ACAD11: variants seen among roughly 807,000 people sequenced by gnomAD.
The protein encoded by ACAD11 is acyl-Coenzyme A dehydrogenase family, member 11.
Under a neutral mutation model 102.2 loss-of-function variants are expected in ACAD11, and 83 were observed. The observed-to-expected ratio is 0.81, with a 90% CI of 0.68 to 0.97. The LOEUF is 0.97. Ranked by LOEUF, ACAD11 falls within the 50% of genes least tolerant of loss-of-function variation. ACAD11 has a pLI of 0.00. For synonymous variants in ACAD11, 324 were observed against 319.8 expected, an observed-to-expected ratio of 1.01 and a Z score of -0.14; for missense variants, 901 against 951.7, an observed-to-expected ratio of 0.95 and a Z score of 0.70.
chr3:132,615,067 T>G (rs28800295), intron 11 of ACAD11, among the ~76,000 whole-genome samples: 7,230 of 152,016 alleles, frequency 0.048, 231 homozygotes, highest in East Asian at 0.12. Context: ...AACAAACATA[T>G]GAAAAAAAGC....
intron 16 of ACAD11, 59 bp downstream of exon 16, chr3:132,576,885 G>C: frequency 8.2e-7 from 1 of 1,222,924 alleles, no homozygotes; most frequent in Non-Finnish European, 1.2e-6. Context: ...ATCTTTTCCA[G>C]ATTTAGAGCT....
At chr3:132,623,641 TC>T (rs1277852567) in intron 9 of ACAD11, among the ~76,000 whole-genome samples, 1 of 152,216 alleles carries the variant, frequency 6.6e-6, no homozygotes, top group Non-Finnish European at 1.5e-5. Flanking sequence ...TTGGCAATCT[TC>T]CCTTTAAAGC....
intron 5 of ACAD11, among the ~76,000 whole-genome samples, chr3:132,631,681 G>A (rs1336764199): frequency 2.0e-5 from 3 of 152,088 alleles, no homozygotes; most frequent in Non-Finnish European, 4.4e-5. Context: ...TTCCATCGCT[G>A]GCCATCAGTC....
intron 17 of ACAD11, among the ~76,000 whole-genome samples, chr3:132,561,596 G>GT (rs1203979294): frequency 6.6e-6 from 1 of 152,204 alleles, no homozygotes; most frequent in African/African-American, 2.4e-5. Context: ...TAAATGTATG[G>GT]TAGTGAAGCT....
At chr3:132,619,813 A>C (rs1020598984) in intron 9 of ACAD11, among the ~76,000 whole-genome samples, 1 of 152,236 alleles carries the variant, frequency 6.6e-6, no homozygotes, top group African/African-American at 2.4e-5. Context: ...TAGTCATAGA[A>C]ACTGCTCAAC....
chr3:132,618,857 A>G (rs768963366), intron 10 of ACAD11, 85 bp from the exon 11 acceptor site: 45 of 1,297,308 alleles, frequency 3.5e-5, no homozygotes, highest in Admixed American at 9.6e-5. Flanking sequence ...ATTGGTATTT[A>G]TGATCTTTGA....
At position 132,618,742 on chromosome 3, in the gene ACAD11, A is replaced by G; in HGVS notation, c.1306T>C (p.Leu436=). 2 of 1,599,588 alleles carry G rather than the reference A, an allele frequency of 1.3e-6. No individual in the cohort carries two copies. Among genetic ancestry groups the G allele is most frequent in the Non-Finnish European group, 1.7e-6 (2 of 1,174,340 alleles). The change falls in exon 11 of 20, where the codon TTG becomes CTG. Residue 436 remains leucine, a synonymous_variant. Transcript: ENST00000264990. ...EMAKVEGLWN[L]FLPAVSGLSH... ...AGTCCGCTGACAGCTGGCAAAAACAAGTTCCAGAGACCCTCGACTTTGGCC... is the reference window on the plus strand; with the variant it reads ...AGTCCGCTGACAGCTGGCAAAAACAGGTTCCAGAGACCCTCGACTTTGGCC...
At chr3:132,589,796 A>G (rs752777967) in intron 13 of ACAD11, among the ~76,000 whole-genome samples, 3 of 152,200 alleles carry the variant, frequency 2.0e-5, no homozygotes, top group Non-Finnish European at 2.9e-5. Flanking sequence ...TTTGTTGCAC[A>G]GATTATTTCA....
chr3:132,653,524 C>A (rs2107904329), intron 1 of ACAD11, among the ~76,000 whole-genome samples: 1 of 152,288 alleles, frequency 6.6e-6, no homozygotes, highest in Middle Eastern at 3.4e-3. Context: ...ATTTTCTCTT[C>A]TAGATTACTG....
rs749031411 is a variant in ACAD11, at chr3:132,575,864, T to C, written c.1909A>G (p.Met637Val). ...RLGPGRIHHC[M>V]RTVGLAERAL... ...CGTTCCGCCAAACCTACTGTTCTCA[T>C]ACAGTGGTGGATTCTGCCAGGTCCA... Residue 637 changes from methionine (M) to valine (V), a missense_variant, in exon 17 of 20, where the codon ATG (methionine) becomes GTG (valine). By Grantham distance (21) the Met-to-Val change is conservative. Transcript: ENST00000264990. 1.2e-6 allele frequency: 2 copies of C among 1,614,082 alleles called. No homozygotes were observed. Among genetic ancestry groups the C allele is most frequent in the East Asian group, 2.2e-5 (1 of 44,872 alleles).
At chr3:132,611,979 A>G (rs1195107769) in intron 11 of ACAD11, among the ~76,000 whole-genome samples, 2 of 152,040 alleles carry the variant, frequency 1.3e-5, no homozygotes, top group South Asian at 2.1e-4. Flanking sequence ...AAACTACACT[A>G]CAAGGCTACA....
intron 19 of ACAD11, 78 bp from the exon 20 acceptor site, chr3:132,559,163 T>A (rs772055465): frequency 5.4e-5 from 53 of 988,508 alleles, no homozygotes; most frequent in Non-Finnish European, 8.5e-5. Context: ...TCACTCTGAT[T>A]GTCAACCAAG....
chr3:132,630,672 A>C (rs1189683470), intron 6 of ACAD11, 114 bp from the exon 7 acceptor site: 10 of 792,900 alleles, frequency 1.3e-5, no homozygotes, highest in Admixed American at 3.4e-5. Context: ...ATTAGCCCTT[A>C]CAACAAAACA....
At chr3:132,614,538 G>A (rs142455917) in intron 11 of ACAD11, among the ~76,000 whole-genome samples, 1 of 152,152 alleles carries the variant, frequency 6.6e-6, no homozygotes, top group African/African-American at 2.4e-5. Flanking sequence ...ACAACCATCT[G>A]ATCTTGGACA....
At chr3:132,566,874 T>C (rs1937230301) in intron 17 of ACAD11, among the ~76,000 whole-genome samples, 1 of 152,196 alleles carries the variant, frequency 6.6e-6, no homozygotes, top group South Asian at 2.1e-4. Flanking sequence ...TAAAATTCGT[T>C]TGCTTTCTTC....
chr3:132,659,423 G>A, intron 1 of ACAD11, 180 bp downstream of exon 1: 1 of 759,040 alleles, frequency 1.3e-6, no homozygotes. Flanking sequence ...CTCCAATTGG[G>A]AAGCCCCCAG....
chr3:132,589,994 T>C (rs1439372586), intron 13 of ACAD11, among the ~76,000 whole-genome samples: 1 of 152,238 alleles, frequency 6.6e-6, no homozygotes, highest in Non-Finnish European at 1.5e-5. Context: ...TTGCTAAGGA[T>C]AATAGCCTCC....
chr3:132,628,445 C>A lies in ACAD11; in HGVS notation c.965G>T (p.Gly322Val). 2.5e-6 allele frequency: 4 copies of A among 1,570,274 alleles called. No individual in the cohort carries two copies. The highest frequency in any genetic ancestry group is 2.3e-5 in the East Asian group (1 of 43,846). ...SYFKMAGIAQGVYSRYLLGNN... is the reference protein window; with the variant it reads ...SYFKMAGIAQVVYSRYLLGNN... The stretch of plus-strand genomic sequence containing the variant: ...TCCCAGAAGATATCTGCTATATACT[C>A]CCTATAAATAAACATAGAACAATTA... Residue 322 changes from glycine to valine, a missense_variant and splice_region_variant, in exon 8 of 20, where the codon GGA becomes GTA. Transcript: ENST00000264990.
At chr3:132,620,901 AAC>A (rs1939583818) in intron 9 of ACAD11, among the ~76,000 whole-genome samples, 1 of 152,204 alleles carries the variant, frequency 6.6e-6, no homozygotes, top group South Asian at 2.1e-4. Flanking sequence ...AAAATTTGAA[AAC>A]AGTTACTCTG....
Sources: gnomAD v4.1 joint callset for allele counts (sites outside exome capture counted in the v4.1 genomes callset) on GRCh38, gnomAD v4.1.1 for gene constraint, MANE v1.5 for transcripts, NCBI Gene and HGNC (gene_info 2026-07-23, HGNC 2026-07-21) for gene names.